The following TNRC6B variants were observed in gnomAD, a reference collection of about 807,000 sequenced individuals.
TNRC6B encodes trinucleotide repeat containing adaptor 6B.
TNRC6B carries 52 observed loss-of-function variants against 203.6 expected under a neutral mutation model. The ratio of observed to expected loss-of-function variants is 0.26; its 90% CI spans 0.20 to 0.32. The LOEUF (loss-of-function observed/expected upper bound fraction) is 0.32. TNRC6B is among the 10% of genes least tolerant of loss of function. The pLI, the probability that TNRC6B is intolerant of heterozygous loss-of-function variation, is 1.00. For missense variants in TNRC6B, 1,923 were observed against 2,286.2 expected, an observed-to-expected ratio of 0.84 and a Z score of 3.24; for synonymous variants, 838 against 845.7, an observed-to-expected ratio of 0.99 and a Z score of 0.16.
At chr22:40,089,672 T>C (rs1034084363) in intron 1 of TNRC6B, among the ~76,000 whole-genome samples, 3 of 152,202 alleles carry the variant, frequency 2.0e-5, no homozygotes, top group African/African-American at 7.2e-5. Flanking sequence ...GTCTATTTGT[T>C]ATAAATGATG....
chr22:40,192,445 C>T (rs1310826669), intron 1 of TNRC6B, among the ~76,000 whole-genome samples: 4 of 152,066 alleles, frequency 2.6e-5, no homozygotes, highest in Non-Finnish European at 4.4e-5. Context: ...GGTGAAACCC[C>T]GTCTCTACTA....
At chr22:40,284,934 C>T (rs2070762823) in intron 11 of TNRC6B, among the ~76,000 whole-genome samples, 1 of 152,182 alleles carries the variant, frequency 6.6e-6, no homozygotes, top group African/African-American at 2.4e-5. Flanking sequence ...TTAGTTATCT[C>T]ATTGGAATAG....
intron 1 of TNRC6B, chr22:40,107,083 G>A (rs1433823787): frequency 7.0e-6 from 5 of 713,738 alleles, no homozygotes; most frequent in Non-Finnish European, 1.2e-5. Flanking sequence ...GCCGGAAAAA[G>A]AGGGAGGGTA....
At chr22:40,209,481 C>T (rs1304994007) in intron 1 of TNRC6B, among the ~76,000 whole-genome samples, 1 of 152,112 alleles carries the variant, frequency 6.6e-6, no homozygotes, top group African/African-American at 2.4e-5. Context: ...TGAGTAAAAA[C>T]TCTGTAATTT....
chr22:40,113,063 C>T (rs969309950), intron 1 of TNRC6B, among the ~76,000 whole-genome samples: 5 of 152,058 alleles, frequency 3.3e-5, no homozygotes, highest in African/African-American at 1.2e-4. Context: ...GCTGAGATTG[C>T]GTCACTGCAC....
chr22:40,202,001 C>T (rs2069418656), intron 1 of TNRC6B, among the ~76,000 whole-genome samples: 1 of 152,104 alleles, frequency 6.6e-6, no homozygotes, highest in South Asian at 2.1e-4. Flanking sequence ...GTTAGGCGAG[C>T]TTTGCTCAGG....
chr22:40,284,906 C>T (rs1371261743), intron 11 of TNRC6B, among the ~76,000 whole-genome samples: 1 of 152,086 alleles, frequency 6.6e-6, no homozygotes, highest in Admixed American at 6.5e-5. Context: ...GGAAGGGCCA[C>T]CATATAACCC....
intron 21 of TNRC6B, among the ~76,000 whole-genome samples, chr22:40,318,151 A>T (rs1219724036): frequency 2.0e-5 from 3 of 152,194 alleles, no homozygotes; most frequent in Admixed American, 2.0e-4. Flanking sequence ...CAGGACTCGT[A>T]TTTCAAGATG....
intron 1 of TNRC6B, among the ~76,000 whole-genome samples, chr22:40,242,047 C>G (rs1198755819): frequency 6.6e-6 from 1 of 152,150 alleles, no homozygotes; most frequent in African/African-American, 2.4e-5. Context: ...CCAGAATTAG[C>G]TCTTGTTCCA....
chr22:40,143,684 GAC>G (rs2068664726), intron 3 of TNRC6B, among the ~76,000 whole-genome samples: 3 of 152,154 alleles, frequency 2.0e-5, no homozygotes, highest in Non-Finnish European at 4.4e-5. Flanking sequence ...TTTTAGTAGA[GAC>G]AGGGTTTCAC....
intron 12 of TNRC6B, among the ~76,000 whole-genome samples, chr22:40,295,082 T>C (rs1027913161): frequency 1.3e-5 from 2 of 152,268 alleles, no homozygotes; most frequent in Middle Eastern, 3.4e-3. Context: ...ACAGAGTTGA[T>C]GGGTGGAGTG....
At chr22:40,153,324 C>A (rs991995740) in intron 3 of TNRC6B, among the ~76,000 whole-genome samples, 2 of 151,916 alleles carry the variant, frequency 1.3e-5, no homozygotes, top group African/African-American at 4.8e-5. Context: ...GGAGGGCATT[C>A]CAGAGATGAA....
intron 1 of TNRC6B, among the ~76,000 whole-genome samples, chr22:40,105,516 C>G (rs1403206729): frequency 6.6e-6 from 1 of 152,162 alleles, no homozygotes; most frequent in Non-Finnish European, 1.5e-5. Flanking sequence ...TCCCTGTAAA[C>G]ATTATAGTTT....
chr22:40,107,802 G>A (rs2068299617), intron 1 of TNRC6B, among the ~76,000 whole-genome samples: 1 of 151,716 alleles, frequency 6.6e-6, no homozygotes, highest in Non-Finnish European at 1.5e-5. Flanking sequence ...CCCTTTCTCT[G>A]TTTATCCATA....
At chr22:40,227,358 CTTTTT>C (rs71199278) in intron 1 of TNRC6B, among the ~76,000 whole-genome samples, 4 of 70,998 alleles carry the variant, frequency 5.6e-5, no homozygotes, top group African/African-American at 2.0e-4. Flanking sequence ...CTGAAATTAC[CTTTTT>C]TTTTTTTTTT....
chr22:40,145,412 C>G (rs1283513140), intron 3 of TNRC6B, among the ~76,000 whole-genome samples: 1 of 152,142 alleles, frequency 6.6e-6, no homozygotes, highest in Non-Finnish European at 1.5e-5. Context: ...CTTTTATCCA[C>G]TATATCAGCT....
intron 2 of TNRC6B, among the ~76,000 whole-genome samples, chr22:40,248,713 G>A (rs28360629): frequency 0.072 from 10,980 of 152,228 alleles, 530 homozygotes; most frequent in Middle Eastern, 0.13. Flanking sequence ...TGATGAAGAA[G>A]TGATAGCAAA....
chr22:40,162,896 A>C (rs1427574140), intron 4 of TNRC6B, among the ~76,000 whole-genome samples: 2 of 152,114 alleles, frequency 1.3e-5, no homozygotes. Context: ...TACTCATGGA[A>C]TTTTTGCTGC....
chr22:40,051,262 C>T (rs1337696028), intron 1 of TNRC6B, among the ~76,000 whole-genome samples: 5 of 152,218 alleles, frequency 3.3e-5, no homozygotes, highest in Non-Finnish European at 1.5e-5. Flanking sequence ...AATTGTACCT[C>T]TGCATGGAAT....
Sources: gnomAD v4.1 joint callset for allele counts (sites outside exome capture counted in the v4.1 genomes callset) on GRCh38, gnomAD v4.1.1 for gene constraint, MANE v1.5 for transcripts, NCBI Gene and HGNC (gene_info 2026-07-23, HGNC 2026-07-21) for gene names.